The following SPIDR variants were observed in gnomAD, a reference collection of about 807,000 sequenced individuals.
SPIDR encodes the protein DNA repair-scaffolding protein.
Under a neutral mutation model 104.6 loss-of-function variants are expected in SPIDR, and 93 were observed. The observed-to-expected ratio is 0.89, with a 90% CI of 0.75 to 1.06. SPIDR has a LOEUF of 1.06. SPIDR is among the 50% of genes least tolerant of loss of function. SPIDR has a pLI of 0.00. For synonymous variants in SPIDR, 431 were observed against 416.9 expected (o/e 1.03, Z -0.41); for missense variants, 1,154 against 1,111.2 (o/e 1.04, Z -0.55).
intron 8 of SPIDR, among the ~76,000 whole-genome samples, chr8:47,561,234 G>A (rs78839578): frequency 0.03 from 4,507 of 152,338 alleles, 128 homozygotes; most frequent in Middle Eastern, 0.085. Context: ...GAAGTATCAT[G>A]TCTGTGTGGC....
At chr8:47,580,372 C>G (rs889102283) in intron 8 of SPIDR, among the ~76,000 whole-genome samples, 4 of 152,190 alleles carry the variant, frequency 2.6e-5, no homozygotes, top group Non-Finnish European at 5.9e-5. Context: ...AGCCCTTGCA[C>G]GTGGGAAGCT....
intron 7 of SPIDR, among the ~76,000 whole-genome samples, chr8:47,431,947 G>T (rs911190100): frequency 6.6e-6 from 1 of 152,038 alleles, no homozygotes; most frequent in East Asian, 1.9e-4. Context: ...TCCAGAATTT[G>T]TTTTTTTAGA....
At chr8:47,299,575 T>C (rs1459225184) in intron 5 of SPIDR, among the ~76,000 whole-genome samples, 18 of 152,286 alleles carry the variant, frequency 1.2e-4, no homozygotes, top group Admixed American at 3.9e-4. Context: ...CAGTATGATA[T>C]TGGCTGTGGG....
chr8:47,516,142 C>T (rs1255174016), intron 8 of SPIDR, among the ~76,000 whole-genome samples: 1 of 152,152 alleles, frequency 6.6e-6, no homozygotes, highest in East Asian at 1.9e-4. Flanking sequence ...AGTCTGCCTT[C>T]GTTGCCCAGG....
intron 1 of SPIDR, among the ~76,000 whole-genome samples, chr8:47,269,781 G>A (rs1452492867): frequency 6.6e-6 from 1 of 152,086 alleles, no homozygotes; most frequent in Non-Finnish European, 1.5e-5. Flanking sequence ...TCTGTATGAT[G>A]TTAGCTGTGG....
intron 8 of SPIDR, among the ~76,000 whole-genome samples, chr8:47,559,949 T>C (rs2056856680): frequency 6.6e-6 from 1 of 152,224 alleles, no homozygotes; most frequent in South Asian, 2.1e-4. Context: ...TAATGTTATC[T>C]GTTTAAAGTG....
intron 10 of SPIDR, among the ~76,000 whole-genome samples, chr8:47,647,531 C>T (rs1406353079): frequency 1.3e-5 from 2 of 151,692 alleles, no homozygotes; most frequent in Non-Finnish European, 2.9e-5. Context: ...AGGAGAATCG[C>T]TTGAACTCAG....
intron 16 of SPIDR, among the ~76,000 whole-genome samples, chr8:47,720,528 G>A (rs1563659440): frequency 6.6e-6 from 1 of 152,244 alleles, no homozygotes; most frequent in Non-Finnish European, 1.5e-5. Context: ...TAGATGTGTA[G>A]TAGTATCTCA....
intron 8 of SPIDR, among the ~76,000 whole-genome samples, chr8:47,520,549 C>T (rs2083903128): frequency 6.6e-6 from 1 of 152,160 alleles, no homozygotes; most frequent in Non-Finnish European, 1.5e-5. Context: ...TCAGTCTAAT[C>T]TTTGGCAGCA....
At chr8:47,672,028 G>A (rs1398109543) in intron 10 of SPIDR, among the ~76,000 whole-genome samples, 2 of 152,122 alleles carry the variant, frequency 1.3e-5, no homozygotes, top group Admixed American at 6.5e-5. Context: ...CATGATGACA[G>A]CTCACTTAAG....
At chr8:47,391,153 G>A (rs1228920889) in intron 5 of SPIDR, among the ~76,000 whole-genome samples, 4 of 152,156 alleles carry the variant, frequency 2.6e-5, no homozygotes, top group African/African-American at 4.8e-5. Context: ...GGTTATGGAC[G>A]TGGGGGATAT....
intron 8 of SPIDR, among the ~76,000 whole-genome samples, chr8:47,501,657 C>A (rs552002978): frequency 6.6e-6 from 1 of 152,174 alleles, no homozygotes; most frequent in African/African-American, 2.4e-5. Context: ...CCTGATTGCC[C>A]TGGCCAGAAC....
At chr8:47,571,034 T>C (rs1038396782) in intron 8 of SPIDR, among the ~76,000 whole-genome samples, 3 of 151,414 alleles carry the variant, frequency 2.0e-5, no homozygotes, top group African/African-American at 7.3e-5. Flanking sequence ...GAAGTTGCAG[T>C]GAGCCGAGAT....
intron 7 of SPIDR, among the ~76,000 whole-genome samples, chr8:47,409,791 G>C (rs2063253991): frequency 6.6e-6 from 1 of 152,180 alleles, no homozygotes; most frequent in African/African-American, 2.4e-5. Context: ...TCCTTTGGGA[G>C]GCCAAGACGG....
chr8:47,365,998 A>G (rs1563753611), intron 5 of SPIDR, among the ~76,000 whole-genome samples: 1 of 152,086 alleles, frequency 6.6e-6, no homozygotes, highest in Admixed American at 6.6e-5. Flanking sequence ...ACACACACAC[A>G]AACACACAGA....
intron 10 of SPIDR, among the ~76,000 whole-genome samples, chr8:47,659,464 T>C (rs1047635688): frequency 6.6e-6 from 1 of 152,244 alleles, no homozygotes; most frequent in African/African-American, 2.4e-5. Context: ...GTTAAAAAGA[T>C]AAACAACAGG....
intron 11 of SPIDR, among the ~76,000 whole-genome samples, chr8:47,696,651 AG>A (rs1375837431): frequency 6.6e-6 from 1 of 152,150 alleles, no homozygotes; most frequent in Admixed American, 6.6e-5. Context: ...GGTTGTTTCT[AG>A]CGCCCCATGC....
intron 8 of SPIDR, among the ~76,000 whole-genome samples, chr8:47,574,023 C>T (rs1275655520): frequency 6.6e-6 from 1 of 152,246 alleles, no homozygotes; most frequent in African/African-American, 2.4e-5. Flanking sequence ...TTTAACCAGC[C>T]TTGCACATTT....
intron 8 of SPIDR, among the ~76,000 whole-genome samples, chr8:47,463,351 A>T (rs1188084840): frequency 6.6e-6 from 1 of 150,976 alleles, no homozygotes; most frequent in Admixed American, 6.6e-5. Flanking sequence ...ACAGAGCAAG[A>T]CTCCGTCTCA....
Sources: allele counts gnomAD v4.1 joint callset (sites outside exome capture counted in the v4.1 genomes callset), GRCh38; gene constraint gnomAD v4.1.1; transcripts MANE v1.5; gene names NCBI Gene and HGNC (gene_info 2026-07-23, HGNC 2026-07-21).